KIAA1755: variants seen among roughly 807,000 people sequenced by gnomAD.
KIAA1755 encodes the protein uncharacterized protein KIAA1755.
KIAA1755 carries 68 observed loss-of-function variants against 91.7 expected under a neutral mutation model. That is an observed-to-expected ratio of 0.74 (90% confidence interval 0.61 to 0.91). The LOEUF (loss-of-function observed/expected upper bound fraction) is 0.91. Among genes scored for constraint, KIAA1755 ranks in the 40% least tolerant of loss-of-function variants. The pLI is 0.00. For missense variants in KIAA1755, 1,535 were observed against 1,494.4 expected, an observed-to-expected ratio of 1.03 and a Z score of -0.45; for synonymous variants, 610 against 604.6, an observed-to-expected ratio of 1.01 and a Z score of -0.13.
Position 38,213,622 on chromosome 20 carries a change from T to C in KIAA1755, c.3023A>G (p.Glu1008Gly), listed in dbSNP as rs578182649. Residue 1008 changes from glutamate (E) to glycine (G), a missense_variant, in exon 14 of 14, where the codon GAG (glutamate) becomes GGG (glycine). By Grantham distance (98) the Glu-to-Gly change is moderately conservative. Transcript: ENST00000279024. ...LHRYLQRLAS[E>G]FPAEKLAAVG... ...GGCTGCGAGCTTCTCAGCAGGGAAC[T>C]CAGATGCCAGTCGCTGCAGGTAGCG... 12 of 1,611,394 alleles carry C rather than the reference T, an allele frequency of 7.4e-6. No individual in the cohort carries two copies. In the African/African-American group the frequency reaches 1.5e-4, roughly 20 times the overall value.
intron 6 of KIAA1755, among the ~76,000 whole-genome samples, chr20:38,227,522 T>C (rs2075781144): frequency 6.6e-6 from 1 of 152,184 alleles, no homozygotes; most frequent in African/African-American, 2.4e-5. Context: ...GGTCAGACCA[T>C]AAGGTAAGCA....
rs1391056157 is a variant in KIAA1755 at position 38,240,775 on chromosome 20, C to T, written c.1356G>A (p.Lys452=). 3.1e-6 allele frequency: 5 copies of T among 1,603,964 alleles called. No homozygotes were observed. In the African/African-American group the frequency reaches 5.3e-5, roughly 17 times the overall value. The change falls in exon 3 of 14, where the codon AAG becomes AAA. Residue 452 remains lysine (K), a synonymous_variant. Transcript: ENST00000279024. The part of the protein sequence containing the change: ...KTKERNGRLP[K]PMPCPSRNTS... ...TGTTTCTGCTAGGGCAGGGCATGGGCTTGGGAAGTCTCCCATTTCTCTCTT... is the reference window on the plus strand; with the variant it reads ...TGTTTCTGCTAGGGCAGGGCATGGGTTTGGGAAGTCTCCCATTTCTCTCTT...
At chr20:38,216,056 G>A (rs149017050) in intron 13 of KIAA1755, among the ~76,000 whole-genome samples, 3 of 152,268 alleles carry the variant, frequency 2.0e-5, no homozygotes, top group Non-Finnish European at 2.9e-5. Context: ...TAGGATCGGG[G>A]CGACAATAAA....
In KIAA1755 at chr20:38,231,265, T is replaced by G. The variant is rs1233788824; in HGVS notation, c.1808A>C (p.Glu603Ala). 6.2e-7 allele frequency: 1 copy of G among 1,612,776 alleles called. No individual in the cohort carries two copies. The highest frequency in any genetic ancestry group is 2.2e-5 in the East Asian group (1 of 44,852). Residue 603 changes from glutamate (E) to alanine (A), a missense_variant, in exon 5 of 14, where the codon GAG becomes GCG. Physicochemically the swap from Glu to Ala is moderately radical, Grantham distance 107. Coordinates refer to ENST00000279024, the MANE Select transcript of KIAA1755 (RefSeq NM_001029864.2). The part of the protein sequence containing the change: ...LLVSTTEGAW[E>A]APWCTVSEVT... The stretch of plus-strand genomic sequence containing the variant: ...CTCTGAAACTGTGCACCATGGTGCC[T>G]CCCAGGCCCCCTCTGTAGTTGACAC...
intron 11 of KIAA1755, 109 bp from the exon 12 acceptor site, chr20:38,218,475 G>A: frequency 7.0e-7 from 1 of 1,434,082 alleles, no homozygotes; most frequent in Non-Finnish European, 9.4e-7. Flanking sequence ...CTCATTCAGT[G>A]GCTAGGCCTG....
chr20:38,231,382 C>G, intron 4 of KIAA1755, 57 bp from the exon 5 acceptor site: 1 of 1,533,320 alleles, frequency 6.5e-7, no homozygotes, highest in Non-Finnish European at 8.7e-7. Context: ...CCTCTAGGGA[C>G]CTCTCCTGTG....
At position 38,253,079 on chromosome 20, in the gene KIAA1755, C is replaced by T. The variant is rs547792663; in HGVS notation, c.4-6953G>A. ...AACACAGCCCGCAGCCCGGCAGGAG[C>T]CAGGCTGTTCCCAGGCAGGAGCCAG... On this transcript the variant is annotated intron_variant, in intron 1 of 13. Transcript: ENST00000279024. Among the ~76,000 whole-genome samples the T allele has an allele frequency of 5.3e-5, 8 of 152,304 alleles. No individual in the cohort carries two copies. In the East Asian group the frequency reaches 1.5e-3, roughly 29 times the overall value.
Position 38,213,206 on chromosome 20 carries a change from C to T in KIAA1755, c.3439G>A (p.Asp1147Asn). The change falls in exon 14 of 14, where the codon GAC (aspartate) becomes AAC (asparagine). Residue 1147 changes from aspartate to asparagine, a missense_variant. Coordinates refer to ENST00000279024, the MANE Select transcript of KIAA1755 (RefSeq NM_001029864.2). The stretch of plus-strand genomic sequence containing the variant: ...GCAAGCAAATGCTCGCGGGCAGGGT[C>T]AGGCAGCTTGTGGGAGCCTTTGCCG... ...EDGKGSHKLP[D>N]PAREHLLATT... 6.2e-7 allele frequency: 1 copy of T among 1,613,532 alleles called. No individual in the cohort carries two copies.
intron 1 of KIAA1755, among the ~76,000 whole-genome samples, chr20:38,248,549 T>G (rs2076195106): frequency 6.6e-6 from 1 of 152,142 alleles, no homozygotes; most frequent in African/African-American, 2.4e-5. Context: ...AAGCACTGGC[T>G]TCTTTTCCTC....
At chr20:38,243,007 T>C (rs1032222049) in intron 2 of KIAA1755, among the ~76,000 whole-genome samples, 11 of 152,200 alleles carry the variant, frequency 7.2e-5, no homozygotes, top group Admixed American at 5.2e-4. Flanking sequence ...TCCCTCTCAG[T>C]TGAGCCTGTC....
Position 38,213,278 on chromosome 20 carries a change from C to G in KIAA1755, c.3367G>C (p.Ala1123Pro). ...CCAGCTTCCTGGGGTGGAGAGCCTG[C>G]CTGGAAAGTTCTGTTCTGTTCCCCT... ...PRGEQNRTFQ[A>P]GSPPQEAGQA... Residue 1123 changes from alanine to proline, a missense_variant, in exon 14 of 14, where the codon GCA (alanine) becomes CCA (proline). By Grantham distance (27) the Ala-to-Pro change is conservative. Coordinates refer to ENST00000279024, the MANE Select transcript of KIAA1755 (RefSeq NM_001029864.2). 1 of 1,613,732 alleles carries G rather than the reference C, an allele frequency of 6.2e-7. No homozygotes were observed. The highest frequency in any genetic ancestry group is 2.2e-5 in the East Asian group (1 of 44,874).
At chr20:38,252,360 C>G (rs778651889) in intron 1 of KIAA1755, among the ~76,000 whole-genome samples, 18 of 152,188 alleles carry the variant, frequency 1.2e-4, no homozygotes, top group Non-Finnish European at 2.6e-4. Flanking sequence ...CCAATGATAA[C>G]AACAGTCTCC....
chr20:38,229,043 C>T (rs542137622), intron 5 of KIAA1755, among the ~76,000 whole-genome samples: 7 of 152,184 alleles, frequency 4.6e-5, no homozygotes, highest in Admixed American at 6.5e-5. Flanking sequence ...CCAGTGGGTA[C>T]AGGGTGGCCA....
At chr20:38,217,823 C>A (rs2123065171) in intron 12 of KIAA1755, 1 of 441,796 alleles carries the variant, frequency 2.3e-6, no homozygotes, top group East Asian at 4.1e-5. Context: ...GTGCGCTTCC[C>A]TGTTTGTCCC....
intron 10 of KIAA1755, among the ~76,000 whole-genome samples, chr20:38,220,442 G>A (rs1015860703): frequency 2.0e-5 from 3 of 152,004 alleles, no homozygotes; most frequent in Admixed American, 2.0e-4. Flanking sequence ...AGCCTCCTGG[G>A]TAGCTGGGAT....
chr20:38,231,558 T>C (rs149369264), intron 4 of KIAA1755, among the ~76,000 whole-genome samples: 26 of 152,324 alleles, frequency 1.7e-4, no homozygotes, highest in African/African-American at 6.3e-4. Flanking sequence ...TCCCTCTGTA[T>C]AAGATACGTG....
At chr20:38,216,727 T>C (rs550072115) in intron 13 of KIAA1755, 99 of 432,382 alleles carry the variant, frequency 2.3e-4, no homozygotes, top group African/African-American at 1.8e-3. Flanking sequence ...GGGAACAACA[T>C]TGGTTCCCTG....
intron 1 of KIAA1755, among the ~76,000 whole-genome samples, chr20:38,254,955 T>C (rs1434496510): frequency 6.6e-6 from 1 of 152,042 alleles, no homozygotes; most frequent in Non-Finnish European, 1.5e-5. Flanking sequence ...GGCAGGCAGA[T>C]CACCTGATGT....
intron 2 of KIAA1755, among the ~76,000 whole-genome samples, chr20:38,245,143 G>A (rs2076133784): frequency 6.6e-6 from 1 of 152,204 alleles, no homozygotes; most frequent in South Asian, 2.1e-4. Context: ...CCAGGAATGG[G>A]CATATGACCC....
Sources: gnomAD v4.1 joint callset for allele counts (sites outside exome capture counted in the v4.1 genomes callset) on GRCh38, gnomAD v4.1.1 for gene constraint, MANE v1.5 for transcripts, NCBI Gene and HGNC (gene_info 2026-07-23, HGNC 2026-07-21) for gene names.